The following IQCE variants were observed in gnomAD, a reference collection of about 807,000 sequenced individuals.
IQCE encodes IQ motif containing E.
A neutral mutation model predicts 96.0 loss-of-function variants in IQCE; 115 were observed. That is an observed-to-expected ratio of 1.20 (90% CI 1.03 to 1.40). The LOEUF (loss-of-function observed/expected upper bound fraction) is 1.40. Ranked by LOEUF, IQCE falls within the 40% of genes most tolerant of loss-of-function variation. The pLI, the probability that IQCE is intolerant of heterozygous loss-of-function variation, is 0.00. For synonymous variants in IQCE, 412 were observed against 371.2 expected (o/e 1.11, Z -1.26); for missense variants, 1,041 against 909.1 (o/e 1.15, Z -1.87).
chr7:2,589,832 G>A, intron 13 of IQCE, 75 bp from the exon 14 acceptor site: 2 of 1,457,844 alleles, frequency 1.4e-6, no homozygotes, highest in South Asian at 1.2e-5. Flanking sequence ...CTGGTTCAGT[G>A]TCTCTTTTCT....
rs188699249 is a variant in IQCE at position 2,562,611 on chromosome 7, C to G, written c.36+3394C>G. Among the ~76,000 whole-genome samples, 324 of 147,268 alleles carry G rather than the reference C, an allele frequency of 2.2e-3. 3 individuals carry two copies. Among genetic ancestry groups the G allele is most frequent in the African/African-American group, 7.7e-3 (310 of 40,084 alleles). On this transcript the variant is annotated intron_variant, in intron 1 of 21. Transcript: ENST00000402050. ...AGGCCCCCTTTTTTTTTTTTTCCCC[C>G]TGTATTTTGGTAATTTCGTGTCTCT... is the stretch of plus-strand genomic sequence containing the variant.
chr7:2,582,002 G>A (rs773872184), intron 8 of IQCE: 7 of 459,200 alleles, frequency 1.5e-5, no homozygotes, highest in South Asian at 8.0e-5. Flanking sequence ...GTGAGCCACC[G>A]CGCCCGGCAA....
At chr7:2,561,797 G>T (rs142689445) in intron 1 of IQCE, among the ~76,000 whole-genome samples, 2,299 of 152,292 alleles carry the variant, frequency 0.015, 30 homozygotes, top group Non-Finnish European at 0.025. Flanking sequence ...TAGTTTTTTA[G>T]TAGATTCATT....
rs779200781 is a variant in IQCE at position 2,571,614 on chromosome 7, C to G, written c.219C>G (p.Ser73=). 2 of 1,601,264 alleles carry G rather than the reference C, an allele frequency of 1.2e-6. No individual in the cohort carries two copies. The highest frequency in any genetic ancestry group is 2.2e-5 in the South Asian group (2 of 91,086). ...GCATGCCTCTGGGCGGCCGAGCGTC[C>G]CTGACCCCGCAGAAGCTGTGGCTGG... ...AGSMPLGGRA[S]LTPQKLWLGT... Residue 73 remains serine, a synonymous_variant, in exon 4 of 22, where the codon TCC becomes TCG. Transcript: ENST00000402050.
chr7:2,598,736 C>T (rs1784239312), intron 17 of IQCE, 104 bp downstream of exon 17: 1 of 1,027,150 alleles, frequency 9.7e-7, no homozygotes, highest in African/African-American at 1.7e-5. Flanking sequence ...GCCAGCCAGG[C>T]CCCAGGTGTC....
intron 16 of IQCE, among the ~76,000 whole-genome samples, chr7:2,596,054 C>T (rs753925933): frequency 2.2e-4 from 34 of 152,214 alleles, no homozygotes; most frequent in Non-Finnish European, 3.8e-4. Flanking sequence ...AGACGAAAAG[C>T]AAGGAACTTG....
chr7:2,563,174 C>T (rs1310102214), intron 1 of IQCE, among the ~76,000 whole-genome samples: 2 of 152,120 alleles, frequency 1.3e-5, no homozygotes, highest in Non-Finnish European at 2.9e-5. Flanking sequence ...AGTCCTCACT[C>T]CTTGGCCTCC....
At position 2,574,575 on chromosome 7, in the gene IQCE, C is replaced by T. The variant is rs118188880; in HGVS notation, c.465+1087C>T. Among the ~76,000 whole-genome samples, 44 of 152,276 alleles carry T rather than the reference C, an allele frequency of 2.9e-4. No homozygotes were observed. The East Asian group carries it at 6.9e-3, about 24-fold the overall frequency. Reference sequence around the variant, plus strand: ...GATGTTACAGAGGGGATCCTCATTCCGGTTGGAAGACTGCGCTGAATGAAC... The same window carrying T: ...GATGTTACAGAGGGGATCCTCATTCTGGTTGGAAGACTGCGCTGAATGAAC... On this transcript the variant is annotated intron_variant, in intron 6 of 21. Transcript: ENST00000402050.
At chr7:2,589,882 T>G in intron 13 of IQCE, 25 bp from the exon 14 acceptor site, 1 of 1,595,112 alleles carries the variant, frequency 6.3e-7, no homozygotes, top group Non-Finnish European at 8.6e-7. Context: ...AACTAGTATC[T>G]AACACATGTC....
In IQCE at chr7:2,567,282, A is replaced by G. The variant is rs1039774753; in HGVS notation, c.84+119A>G. On this transcript the variant is annotated intron_variant, in intron 2 of 21. Coordinates refer to ENST00000402050, the MANE Select transcript of IQCE (RefSeq NM_152558.5). ...AATACTGTGTCGAGAGCTGGAATGC[A>G]TATTCCGAATGCTCCTTGGTGTTTG... 1.4e-5 allele frequency: 11 copies of G among 777,356 alleles called. No individual in the cohort carries two copies. The Admixed American group carries it at 1.8e-4, about 13-fold the overall frequency. 48.2% of individuals were successfully genotyped at this position (777,356 alleles called of 1,614,324 possible).
At chr7:2,575,380 G>T (rs930308623) in intron 6 of IQCE, among the ~76,000 whole-genome samples, 3 of 152,244 alleles carry the variant, frequency 2.0e-5, no homozygotes, top group Non-Finnish European at 4.4e-5. Flanking sequence ...CTCTGCTGAT[G>T]CCGCCCTAGC....
At chr7:2,567,051 T>C in intron 1 of IQCE, 65 bp from the exon 2 acceptor site, 1 of 1,436,756 alleles carries the variant, frequency 7.0e-7, no homozygotes, top group Admixed American at 1.7e-5. Context: ...TTCGCTTTTG[T>C]AAACGTGATG....
At chr7:2,572,745 T>C (rs183554852) in intron 5 of IQCE, 33 of 457,218 alleles carry the variant, frequency 7.2e-5, no homozygotes, top group Non-Finnish European at 1.4e-4. Context: ...AATCTCGCTG[T>C]GTTGCCCAGG....
In IQCE at chr7:2,598,494, C is replaced by T. The variant is rs769329822; in HGVS notation, c.1470C>T (p.Ser490=). 4 of 1,601,712 alleles carry T rather than the reference C, an allele frequency of 2.5e-6. No individual in the cohort carries two copies. The highest frequency in any genetic ancestry group is 1.1e-5 in the South Asian group (1 of 89,568). ...KAQELPAPTP[S]SRHCEQDWPP... ...AAGAGCTCCCAGCTCCCACTCCCAG[C>T]AGCAGGCACTGCGAGCAAGACTGGC... Residue 490 remains serine, a synonymous_variant, in exon 17 of 22, where the codon AGC becomes AGT. Transcript: ENST00000402050.
intron 13 of IQCE, 104 bp downstream of exon 13, chr7:2,587,981 G>A (rs1020633012): frequency 7.3e-6 from 8 of 1,098,006 alleles, no homozygotes; most frequent in African/African-American, 6.2e-5. Flanking sequence ...GGCACTGGCT[G>A]TCTGCCAGGC....
At chr7:2,608,216 C>T (rs1784961296) in intron 21 of IQCE, among the ~76,000 whole-genome samples, 1 of 152,312 alleles carries the variant, frequency 6.6e-6, no homozygotes, top group East Asian at 1.9e-4. Flanking sequence ...AGTGTGGGGG[C>T]CCGTGGCGGG....
At position 2,607,112 on chromosome 7, in the gene IQCE, G is replaced by GT. The variant is rs533787347; in HGVS notation, c.1866-5dup. ...AAAGCAGAATCAGCTGGCGTTTTCT[G>GT]TTTTTTTCCAGTGCTACCGGTAAAA... On this transcript the variant is annotated splice_polypyrimidine_tract_variant and intron_variant, in intron 20 of 21. Transcript: ENST00000402050. 338 of 1,583,418 alleles carry GT rather than the reference G, an allele frequency of 2.1e-4. No homozygotes were observed. The African/African-American group carries it at 3.8e-3, about 18-fold the overall frequency.
chr7:2,601,552 C>CT, intron 18 of IQCE, 88 bp downstream of exon 18: 2 of 987,464 alleles, frequency 2.0e-6, no homozygotes, highest in Non-Finnish European at 1.6e-6. Flanking sequence ...GTGTTGATTC[C>CT]TTTTCTTTTT....
chr7:2,598,795 C>T (rs1485852930), intron 17 of IQCE, 163 bp downstream of exon 17: 2 of 518,502 alleles, frequency 3.9e-6, no homozygotes, highest in Non-Finnish European at 6.3e-6. Flanking sequence ...CACGCTGACA[C>T]CTCCGTTCTG....
Sources: gnomAD v4.1 joint callset for allele counts (sites outside exome capture counted in the v4.1 genomes callset) on GRCh38, gnomAD v4.1.1 for gene constraint, MANE v1.5 for transcripts, NCBI Gene and HGNC (gene_info 2026-07-23, HGNC 2026-07-21) for gene names.